The following HBP1 variants were observed in gnomAD, a reference collection of about 807,000 sequenced individuals.
The protein encoded by HBP1 is HMG-box transcription factor 1.
A neutral mutation model predicts 62.6 loss-of-function variants in HBP1; 20 were observed. The observed-to-expected ratio is 0.32, with a 90% CI of 0.22 to 0.46. HBP1 has a LOEUF of 0.46. Ranked by LOEUF, HBP1 falls within the 20% of genes least tolerant of loss-of-function variation. HBP1 has a pLI of 1.00. For synonymous variants in HBP1, 232 were observed against 206.2 expected (o/e 1.12, Z -1.07); for missense variants, 480 against 611.8 (o/e 0.78, Z 2.27).
In HBP1 at chr7:107,169,175, C is replaced by G; in HGVS notation, c.-26C>G. 1 of 1,022,712 alleles carries G rather than the reference C, an allele frequency of 9.8e-7. No individual in the cohort carries two copies. The highest frequency in any genetic ancestry group is 4.4e-4 in the Middle Eastern group (1 of 2,276). 63.4% of individuals were successfully genotyped at this position (1,022,712 alleles called of 1,614,324 possible). On this transcript the variant is annotated 5_prime_UTR_variant, in exon 1 of 11. Coordinates refer to ENST00000222574, the MANE Select transcript of HBP1 (RefSeq NM_012257.4). Reference sequence around the variant, plus strand: ...GCGGCCCGCGCCTGGGCTGCCGGCACTTCGCGGCAGGTTTGTTGTCTTTCA... The same window carrying G: ...GCGGCCCGCGCCTGGGCTGCCGGCAGTTCGCGGCAGGTTTGTTGTCTTTCA...
chr7:107,171,067 A>ATTTTTTTTTTTTTTT (rs1395508929), intron 1 of HBP1, among the ~76,000 whole-genome samples: 3 of 66,680 alleles, frequency 4.5e-5, no homozygotes, highest in African/African-American at 4.2e-4. Flanking sequence ...ATATATATAT[A>ATTTTTTTTTTTTTTT]TATATATTTT....
intron 9 of HBP1, among the ~76,000 whole-genome samples, chr7:107,198,595 T>C (rs868232971): frequency 1.7e-4 from 26 of 152,312 alleles, no homozygotes; most frequent in African/African-American, 6.0e-4. Context: ...CCATCAGATA[T>C]CACCTATCTC....
intron 2 of HBP1, among the ~76,000 whole-genome samples, chr7:107,181,479 A>AT (rs1797105354): frequency 4.8e-4 from 73 of 150,702 alleles, no homozygotes; most frequent in African/African-American, 1.1e-3. Flanking sequence ...CTCAAAAAAA[A>AT]ATTTTTTTTT....
chr7:107,194,183 G>T (rs1797781895), intron 8 of HBP1, among the ~76,000 whole-genome samples: 1 of 152,192 alleles, frequency 6.6e-6, no homozygotes, highest in Admixed American at 6.5e-5. Flanking sequence ...TTTTGTGACT[G>T]AATATTTAAA....
At chr7:107,199,080 G>T (rs995542587) in intron 9 of HBP1, among the ~76,000 whole-genome samples, 1 of 151,908 alleles carries the variant, frequency 6.6e-6, no homozygotes, top group Non-Finnish European at 1.5e-5. Context: ...ATAAAAATTG[G>T]TTATCATTTT....
At chr7:107,178,599 A>ATATCC (rs1796967177) in intron 1 of HBP1, among the ~76,000 whole-genome samples, 1 of 152,184 alleles carries the variant, frequency 6.6e-6, no homozygotes, top group African/African-American at 2.4e-5. Context: ...TCTATACATA[A>ATATCC]TATCCTATTC....
chr7:107,170,610 G>A (rs1796507396), intron 1 of HBP1, among the ~76,000 whole-genome samples: 1 of 152,026 alleles, frequency 6.6e-6, no homozygotes, highest in Admixed American at 6.5e-5. Flanking sequence ...ATACTTTTGA[G>A]GAGCCGTTTA....
At chr7:107,170,345 T>C (rs1191756478) in intron 1 of HBP1, among the ~76,000 whole-genome samples, 3 of 152,214 alleles carry the variant, frequency 2.0e-5, no homozygotes, top group Admixed American at 2.0e-4. Context: ...TTTTGAGAAT[T>C]AGAATAATTT....
At chr7:107,190,364 C>A (rs1554387683) in intron 8 of HBP1, 47 bp downstream of exon 8, 3 of 1,288,242 alleles carry the variant, frequency 2.3e-6, no homozygotes, top group East Asian at 4.9e-5. Flanking sequence ...TAAAGTTTGC[C>A]CTTCATTTCC....
intron 9 of HBP1, among the ~76,000 whole-genome samples, chr7:107,197,420 G>T (rs1797967755): frequency 6.6e-6 from 1 of 152,180 alleles, no homozygotes; most frequent in Admixed American, 6.5e-5. Flanking sequence ...CCAGGCTGGA[G>T]TGTAGTGGCA....
chr7:107,178,864 C>T (rs573202474), intron 1 of HBP1, among the ~76,000 whole-genome samples: 8 of 152,072 alleles, frequency 5.3e-5, no homozygotes, highest in Non-Finnish European at 1.2e-4. Flanking sequence ...GAAACCCTGT[C>T]TTTACTAAAA....
At chr7:107,174,446 A>C in intron 1 of HBP1, 1 of 983,960 alleles carries the variant, frequency 1.0e-6, no homozygotes, top group Non-Finnish European at 1.2e-6. Flanking sequence ...ACTTCATTTA[A>C]GGAGTTTTGG....
chr7:107,189,131 A>G (rs1259307065), intron 6 of HBP1, among the ~76,000 whole-genome samples, 161 bp from the exon 7 acceptor site: 2 of 152,188 alleles, frequency 1.3e-5, no homozygotes, highest in Admixed American at 6.5e-5. Flanking sequence ...AGTTATTTAT[A>G]TATGTGTCTT....
chr7:107,171,101 C>T (rs1404160753), intron 1 of HBP1, among the ~76,000 whole-genome samples: 3 of 99,956 alleles, frequency 3.0e-5, no homozygotes, highest in East Asian at 3.0e-4. Flanking sequence ...GAGGGAGTCT[C>T]GCTCTGTCGC....
intron 7 of HBP1, 81 bp from the exon 8 acceptor site, chr7:107,190,092 G>T (rs1332249442): frequency 3.1e-6 from 3 of 967,296 alleles, no homozygotes; most frequent in Non-Finnish European, 4.5e-6. Flanking sequence ...TTATTTTTAA[G>T]ATATAGAAAT....
intron 1 of HBP1, among the ~76,000 whole-genome samples, chr7:107,178,456 A>G (rs565028424): frequency 2.6e-5 from 4 of 152,320 alleles, no homozygotes; most frequent in African/African-American, 9.6e-5. Flanking sequence ...CTTTCATAAT[A>G]ATATTTAGTT....
intron 1 of HBP1, among the ~76,000 whole-genome samples, chr7:107,178,108 C>T (rs1270997424): frequency 3.9e-5 from 6 of 152,014 alleles, no homozygotes. Context: ...TATTTTATTG[C>T]TTTATTTTGA....
intron 9 of HBP1, among the ~76,000 whole-genome samples, chr7:107,197,890 C>G (rs1034927404): frequency 6.6e-6 from 1 of 152,178 alleles, no homozygotes; most frequent in African/African-American, 2.4e-5. Flanking sequence ...TCCCCTTGCT[C>G]AATTTGTTTT....
intron 7 of HBP1, 48 bp from the exon 8 acceptor site, chr7:107,190,125 G>T: frequency 1.4e-6 from 2 of 1,456,012 alleles, no homozygotes. Context: ...CTAAAGTAGG[G>T]TGCTTTCTGT....
Sources: gnomAD v4.1 joint callset for allele counts (sites outside exome capture counted in the v4.1 genomes callset) on GRCh38, gnomAD v4.1.1 for gene constraint, MANE v1.5 for transcripts, NCBI Gene and HGNC (gene_info 2026-07-23, HGNC 2026-07-21) for gene names.